The following HPSE2 variants were observed in gnomAD, a reference collection of about 807,000 sequenced individuals.
HPSE2 encodes inactive heparanase-2.
HPSE2 carries 38 observed loss-of-function variants against 60.5 expected under a neutral mutation model. The observed-to-expected ratio is 0.63, with a 90% CI of 0.48 to 0.82. The LOEUF (loss-of-function observed/expected upper bound fraction) is 0.82. HPSE2 is among the 40% of genes least tolerant of loss of function. The pLI, the probability that HPSE2 is intolerant of heterozygous loss-of-function variation, is 0.00. For missense variants in HPSE2, 713 were observed against 740.4 expected (o/e 0.96, Z 0.43); for synonymous variants, 295 against 293.2 (o/e 1.01, Z -0.06).
chr10:99,315,665 GATTTTATATCAAC>G, the HPSE2 span, among the ~76,000 whole-genome samples: 1 of 152,240 alleles, frequency 6.6e-6, no homozygotes, highest in East Asian at 1.9e-4. Flanking sequence ...TTTCTATGGC[GATTTTATATCAAC>G]ATTTTATAAC....
chr10:98,708,183 A>G (rs1023787370), intron 5 of HPSE2, among the ~76,000 whole-genome samples: 1 of 152,120 alleles, frequency 6.6e-6, no homozygotes, highest in East Asian at 1.9e-4. Context: ...CAGGCCGGGC[A>G]CGGTGGCTCA....
chr10:98,629,599 C>T lies in HPSE2; in HGVS notation c.1099-8891G>A, dbSNP rs72831952. ...CACTGCCCCTCCCTGAGTTCTGGAT[C>T]TTGTCATTTGTTCCTTGGTCTTACT... On this transcript the variant is annotated intron_variant, in intron 7 of 11. Coordinates refer to ENST00000370552, the MANE Select transcript of HPSE2 (RefSeq NM_021828.5). 6.8e-3 allele frequency among the ~76,000 whole-genome samples: 1,041 copies of T among 152,298 alleles called. 8 individuals are homozygous for T. The highest frequency in any genetic ancestry group is 0.027 in the South Asian group (131 of 4,826).
At chr10:98,562,233 G>A (rs1403203478) in intron 9 of HPSE2, among the ~76,000 whole-genome samples, 2 of 152,298 alleles carry the variant, frequency 1.3e-5, no homozygotes, top group Admixed American at 6.5e-5. Flanking sequence ...TAGACATGTG[G>A]TAGGCTATCC....
chr10:98,726,487 G>T (rs1226692841), intron 4 of HPSE2, among the ~76,000 whole-genome samples: 1 of 146,734 alleles, frequency 6.8e-6, no homozygotes, highest in Admixed American at 6.8e-5. Context: ...GACTGTTGTG[G>T]GGCAGGGGGA....
intron 3 of HPSE2, among the ~76,000 whole-genome samples, chr10:98,969,525 CTT>C (rs1408826284): frequency 6.6e-6 from 1 of 152,154 alleles, no homozygotes; most frequent in Non-Finnish European, 1.5e-5. Context: ...TTAACTCTCT[CTT>C]CTTCATGTTT....
chr10:98,614,490 C>T (rs895882297), intron 9 of HPSE2, among the ~76,000 whole-genome samples: 1 of 152,108 alleles, frequency 6.6e-6, no homozygotes, highest in African/African-American at 2.4e-5. Context: ...GACGGGGTTT[C>T]ACCATGTTAG....
Position 99,104,478 on chromosome 10 carries a change from T to G in HPSE2, c.610+39760A>C, listed in dbSNP as rs550574371. Among the ~76,000 whole-genome samples the G allele has an allele frequency of 7.9e-4, 120 of 152,284 alleles. 1 individual carries two copies. Among genetic ancestry groups the G allele is most frequent in the African/African-American group, 2.7e-3 (113 of 41,564 alleles). On this transcript the variant is annotated intron_variant, in intron 3 of 11. Transcript: ENST00000370552. ...CACTGTTGGTGGGACTGTAAACTAG[T>G]TCAACCATTGTGGAAGACAGTGTGG...
intron 3 of HPSE2, among the ~76,000 whole-genome samples, chr10:99,077,746 C>T (rs561637333): frequency 1.3e-5 from 2 of 152,000 alleles, no homozygotes; most frequent in Admixed American, 6.6e-5. Context: ...GTACTACACA[C>T]ACACAAATTT....
intron 2 of HPSE2, among the ~76,000 whole-genome samples, chr10:99,209,310 A>G (rs1255174180): frequency 1.3e-5 from 2 of 152,210 alleles, no homozygotes; most frequent in African/African-American, 2.4e-5. Flanking sequence ...CCACAATAGT[A>G]TAAAACTAGA....
At chr10:98,863,341 C>CA (rs1003011671) in intron 3 of HPSE2, among the ~76,000 whole-genome samples, 8 of 148,186 alleles carry the variant, frequency 5.4e-5, no homozygotes, top group African/African-American at 9.9e-5. Flanking sequence ...GTAGACCTGG[C>CA]AAAAAAAAAT....
chr10:98,863,244 A>G (rs1252696767), intron 3 of HPSE2, among the ~76,000 whole-genome samples: 1 of 152,176 alleles, frequency 6.6e-6, no homozygotes, highest in African/African-American at 2.4e-5. Flanking sequence ...AAAGCATTTA[A>G]TAGAATCTAG....
chr10:99,286,650 T>C, the HPSE2 span, among the ~76,000 whole-genome samples: 24 of 152,308 alleles, frequency 1.6e-4, no homozygotes, highest in African/African-American at 5.8e-4. Flanking sequence ...TGACATTGAA[T>C]TATACACTTA....
chr10:98,604,740 G>A (rs1380802504), intron 9 of HPSE2, among the ~76,000 whole-genome samples: 1 of 152,198 alleles, frequency 6.6e-6, no homozygotes, highest in East Asian at 1.9e-4. Flanking sequence ...ATTAATTTAG[G>A]TTCAGCTGGG....
At chr10:98,667,403 G>A (rs1947393024) in intron 6 of HPSE2, among the ~76,000 whole-genome samples, 1 of 152,124 alleles carries the variant, frequency 6.6e-6, no homozygotes, top group African/African-American at 2.4e-5. Flanking sequence ...TAAAGGCGGA[G>A]GATCTCCTCC....
At chr10:98,544,612 C>T (rs1340862466) in intron 9 of HPSE2, among the ~76,000 whole-genome samples, 1 of 144,776 alleles carries the variant, frequency 6.9e-6, no homozygotes, top group East Asian at 2.1e-4. Context: ...ACGCGGGAGG[C>T]TGAGGCAGGA....
chr10:98,533,775 C>T lies in HPSE2; in HGVS notation c.1321-43579G>A, dbSNP rs147472591. On this transcript the variant is annotated intron_variant, in intron 9 of 11. Coordinates refer to ENST00000370552, the MANE Select transcript of HPSE2 (RefSeq NM_021828.5). ...TGGTAGACTCTGGAAATTTGAAAATCGGACAGAACAATGAAAGCCAACGTG... is the reference window on the plus strand; with the variant it reads ...TGGTAGACTCTGGAAATTTGAAAATTGGACAGAACAATGAAAGCCAACGTG... Among the ~76,000 whole-genome samples the T allele has an allele frequency of 1.7e-4, 26 of 152,260 alleles. No homozygotes were observed. The East Asian group carries it at 3.5e-3, about 20-fold the overall frequency.
intron 3 of HPSE2, among the ~76,000 whole-genome samples, chr10:98,744,325 C>T (rs918629871): frequency 1.3e-5 from 2 of 151,848 alleles, no homozygotes; most frequent in African/African-American, 2.4e-5. Context: ...GTCGGGAGTT[C>T]GAGACCAGCC....
chr10:99,199,051 T>C (rs1289804226), intron 2 of HPSE2, among the ~76,000 whole-genome samples: 1 of 152,210 alleles, frequency 6.6e-6, no homozygotes, highest in African/African-American at 2.4e-5. Flanking sequence ...TAATATTCCA[T>C]TGTCTTTTTA....
chr10:99,182,197 C>A (rs1847804902), intron 2 of HPSE2, among the ~76,000 whole-genome samples: 1 of 152,200 alleles, frequency 6.6e-6, no homozygotes, highest in East Asian at 1.9e-4. Context: ...CTCTTTACTT[C>A]TTCTCTTTTA....
Sources: allele counts gnomAD v4.1 joint callset (sites outside exome capture counted in the v4.1 genomes callset), GRCh38; gene constraint gnomAD v4.1.1; transcripts MANE v1.5; gene names NCBI Gene and HGNC (gene_info 2026-07-23, HGNC 2026-07-21).